PTPRD: variants seen among roughly 807,000 people sequenced by gnomAD.
PTPRD encodes receptor-type tyrosine-protein phosphatase delta.
In PTPRD, 34 loss-of-function variants were observed where a neutral mutation model predicts 214.5. The ratio of observed to expected loss-of-function variants is 0.16; its 90% CI spans 0.12 to 0.21. The LOEUF is 0.21. Among genes scored for constraint, PTPRD ranks in the 10% least tolerant of loss-of-function variants. The probability of loss-of-function intolerance (pLI) is 1.00; values close to 1 mark genes in which losing one functional copy is unlikely to be tolerated. For missense variants in PTPRD, 2,545 were observed against 2,398.7 expected, an observed-to-expected ratio of 1.06 and a Z score of -1.27; for synonymous variants, 1,128 against 845.7, an observed-to-expected ratio of 1.33 and a Z score of -5.79.
At chr9:8,449,061 T>C (rs1014119961) in intron 34 of PTPRD, among the ~76,000 whole-genome samples, 12 of 152,216 alleles carry the variant, frequency 7.9e-5, no homozygotes, top group African/African-American at 2.2e-4. Flanking sequence ...ATAAACAATA[T>C]TGTGCAGAAG....
intron 3 of PTPRD, among the ~76,000 whole-genome samples, chr9:10,281,245 T>G (rs546823252): frequency 6.6e-6 from 1 of 151,998 alleles, no homozygotes; most frequent in African/African-American, 2.4e-5. Flanking sequence ...AATATTTGAG[T>G]GGGAAATGGT....
Position 9,194,055 on chromosome 9 carries a change from A to C in PTPRD, c.-202-10692T>G, listed in dbSNP as rs2099936811. On this transcript the variant is annotated intron_variant, in intron 9 of 45. Transcript: ENST00000381196. ...CTTTTCTGTATTAAAAATAATCTTT[A>C]TACTTTAAAAATATTTTTTGTTAAA... Among the ~76,000 whole-genome samples the C allele has an allele frequency of 2.0e-5, 3 of 152,220 alleles. No homozygotes were observed. In the South Asian group the frequency reaches 6.2e-4, roughly 32 times the overall value.
chr9:10,060,897 C>CTTTCT (rs1555531625), intron 3 of PTPRD, among the ~76,000 whole-genome samples: 16 of 70,582 alleles, frequency 2.3e-4, no homozygotes, highest in Non-Finnish European at 3.1e-4. Flanking sequence ...TCCTTCCTTC[C>CTTTCT]TTCTTTCTTT....
intron 8 of PTPRD, among the ~76,000 whole-genome samples, chr9:9,507,391 T>C (rs186101209): frequency 1.3e-5 from 2 of 151,280 alleles, no homozygotes; most frequent in African/African-American, 4.8e-5. Flanking sequence ...TTGTCTGAAT[T>C]GTATACAATA....
At chr9:9,669,271 G>A (rs571762970) in intron 7 of PTPRD, among the ~76,000 whole-genome samples, 46 of 152,234 alleles carry the variant, frequency 3.0e-4, no homozygotes, top group African/African-American at 1.1e-3. Context: ...TACAGTTGGC[G>A]AGATACACAA....
At position 8,499,788 on chromosome 9, in the gene PTPRD, A is replaced by T. The variant is rs765499204; in HGVS notation, c.2181T>A (p.Ser727=). The T allele has an allele frequency of 8.7e-6, 14 of 1,613,684 alleles. No individual in the cohort carries two copies. The highest frequency in any genetic ancestry group is 1.2e-5 in the Non-Finnish European group (14 of 1,179,842). The change falls in exon 25 of 46, where the codon TCT becomes TCA. Residue 727 remains serine (S), a synonymous_variant. Transcript: ENST00000381196. ...KVEVEAVNST[S]VKVSWRSPVP... is the part of the protein sequence containing the mutation. ...CGGGTGAGCGCCATGAGACTTTAAC[A>T]GATGTTGAGTTGACAGCCTCTACCT...
chr9:8,458,515 T>G (rs898350131), intron 33 of PTPRD, among the ~76,000 whole-genome samples: 2 of 152,148 alleles, frequency 1.3e-5, no homozygotes, highest in Non-Finnish European at 2.9e-5. Flanking sequence ...TTTGACCTAC[T>G]CCCATAGTAG....
chr9:10,366,913 C>G (rs985083673), intron 2 of PTPRD, among the ~76,000 whole-genome samples: 1 of 152,016 alleles, frequency 6.6e-6, no homozygotes, highest in African/African-American at 2.4e-5. Context: ...GAAAAGAACA[C>G]CAGGATAATG....
At chr9:8,626,608 G>T (rs1248197135) in intron 14 of PTPRD, among the ~76,000 whole-genome samples, 1 of 151,788 alleles carries the variant, frequency 6.6e-6, no homozygotes, top group East Asian at 1.9e-4. Flanking sequence ...AAAGCAGATT[G>T]CCCTCCCTAA....
intron 11 of PTPRD, among the ~76,000 whole-genome samples, chr9:8,835,427 C>G (rs1024780673): frequency 6.6e-6 from 1 of 152,238 alleles, no homozygotes; most frequent in Non-Finnish European, 1.5e-5. Context: ...TTCTTAGAGT[C>G]TCCCTTGACC....
chr9:10,038,524 A>C (rs945050075), intron 3 of PTPRD, among the ~76,000 whole-genome samples: 2 of 152,150 alleles, frequency 1.3e-5, no homozygotes, highest in African/African-American at 4.8e-5. Flanking sequence ...TATCTTATGT[A>C]GTTACTCCAC....
chr9:9,543,776 T>C lies in PTPRD; in HGVS notation c.-237+30956A>G, dbSNP rs143432445. On this transcript the variant is annotated intron_variant, in intron 8 of 45. Transcript: ENST00000381196. ...CTTCTTTATAATCTAGTCTATACTA[T>C]AGTGTTGCACACTTGATTTTTCTAA... Among the ~76,000 whole-genome samples, 1,278 of 151,806 alleles carry C rather than the reference T, an allele frequency of 8.4e-3. 6 individuals carry two copies. Among genetic ancestry groups the C allele is most frequent in the Non-Finnish European group, 0.013 (900 of 67,690 alleles).
At chr9:8,405,678 C>T (rs1211293787) in intron 35 of PTPRD, among the ~76,000 whole-genome samples, 4 of 152,062 alleles carry the variant, frequency 2.6e-5, no homozygotes, top group African/African-American at 9.7e-5. Flanking sequence ...ATTAATGACA[C>T]AAACATGATT....
chr9:9,310,825 G>C (rs568848757), intron 9 of PTPRD, among the ~76,000 whole-genome samples: 1 of 152,016 alleles, frequency 6.6e-6, no homozygotes, highest in Non-Finnish European at 1.5e-5. Context: ...GGCTGAGGCA[G>C]TAGAATCTCT....
At chr9:9,849,561 A>G (rs1403551087) in intron 5 of PTPRD, among the ~76,000 whole-genome samples, 1 of 152,144 alleles carries the variant, frequency 6.6e-6, no homozygotes, top group Non-Finnish European at 1.5e-5. Flanking sequence ...CAGGAAAAGG[A>G]AAGAATTTCC....
intron 14 of PTPRD, among the ~76,000 whole-genome samples, chr9:8,562,818 C>T (rs72696666): frequency 2.6e-3 from 395 of 150,734 alleles, no homozygotes; most frequent in Middle Eastern, 6.9e-3. Context: ...AGCTGAAAAA[C>T]ATTTCCTAAT....
intron 3 of PTPRD, among the ~76,000 whole-genome samples, chr9:10,309,800 T>A (rs2096215318): frequency 1.3e-5 from 2 of 151,996 alleles, no homozygotes; most frequent in Admixed American, 6.6e-5. Flanking sequence ...AACAAAAAAA[T>A]TAGAACTATT....
intron 4 of PTPRD, among the ~76,000 whole-genome samples, chr9:9,983,444 C>T (rs1025715542): frequency 1.3e-5 from 2 of 152,182 alleles, no homozygotes; most frequent in Admixed American, 6.6e-5. Context: ...TAAAAGTATG[C>T]AAAGTCAAAC....
intron 7 of PTPRD, among the ~76,000 whole-genome samples, chr9:9,718,560 A>C (rs771469218): frequency 1.3e-5 from 2 of 152,192 alleles, no homozygotes; most frequent in African/African-American, 4.8e-5. Context: ...CTGTGCTCTC[A>C]GAGACCCAGG....
Sources: allele counts gnomAD v4.1 joint callset (sites outside exome capture counted in the v4.1 genomes callset), GRCh38; gene constraint gnomAD v4.1.1; transcripts MANE v1.5; gene names NCBI Gene and HGNC (gene_info 2026-07-23, HGNC 2026-07-21).